The following IMMP2L variants were observed in gnomAD, a reference collection of about 807,000 sequenced individuals.
IMMP2L encodes inner mitochondrial membrane peptidase subunit 2.
IMMP2L carries 18 observed loss-of-function variants against 19.3 expected under a neutral mutation model. That is an observed-to-expected ratio of 0.93 (90% CI 0.64 to 1.38). The LOEUF is 1.38. Among genes scored for constraint, IMMP2L ranks in the 40% most tolerant of loss-of-function variants. The pLI is 0.00. For missense variants in IMMP2L, 233 were observed against 218.2 expected, an observed-to-expected ratio of 1.07 and a Z score of -0.43; for synonymous variants, 76 against 73.0, an observed-to-expected ratio of 1.04 and a Z score of -0.21.
intron 5 of IMMP2L, among the ~76,000 whole-genome samples, chr7:110,743,191 C>G (rs1035058127): frequency 6.6e-6 from 1 of 152,056 alleles, no homozygotes; most frequent in Non-Finnish European, 1.5e-5. Context: ...TAGTGTTGGG[C>G]AGTGGAGAGC....
intron 5 of IMMP2L, among the ~76,000 whole-genome samples, chr7:110,809,846 G>A (rs956740885): frequency 9.2e-5 from 14 of 151,906 alleles, no homozygotes; most frequent in African/African-American, 2.2e-4. Flanking sequence ...ACACCAAACC[G>A]AAAATAATCT....
intron 3 of IMMP2L, among the ~76,000 whole-genome samples, chr7:111,151,294 A>G (rs1020228170): frequency 6.6e-6 from 1 of 152,188 alleles, no homozygotes; most frequent in African/African-American, 2.4e-5. Flanking sequence ...TAAAATGTCT[A>G]GAAAGATCTA....
intron 3 of IMMP2L, among the ~76,000 whole-genome samples, chr7:111,201,127 A>T (rs1473388138): frequency 6.6e-6 from 1 of 152,184 alleles, no homozygotes; most frequent in African/African-American, 2.4e-5. Context: ...CATATGAAAA[A>T]GCTTGTATCA....
intron 5 of IMMP2L, among the ~76,000 whole-genome samples, chr7:110,780,368 G>A (rs1285085094): frequency 6.6e-6 from 1 of 151,174 alleles, no homozygotes; most frequent in African/African-American, 2.4e-5. Flanking sequence ...TGAAAAGAAA[G>A]TTGAGAATTC....
At chr7:111,330,985 T>A (rs1825818874) in intron 3 of IMMP2L, among the ~76,000 whole-genome samples, 1 of 151,912 alleles carries the variant, frequency 6.6e-6, no homozygotes, top group Admixed American at 6.6e-5. Context: ...GGTGCGAATA[T>A]ATATTAGTAT....
chr7:111,032,735 T>A (rs1445990883), intron 3 of IMMP2L, among the ~76,000 whole-genome samples: 1 of 152,094 alleles, frequency 6.6e-6, no homozygotes, highest in East Asian at 1.9e-4. Context: ...GGCAGGAGAA[T>A]TGCTTGAATC....
At chr7:111,400,018 T>C (rs1237088859) in intron 3 of IMMP2L, among the ~76,000 whole-genome samples, 1 of 152,146 alleles carries the variant, frequency 6.6e-6, no homozygotes, top group Non-Finnish European at 1.5e-5. Context: ...CAGAAGTCTT[T>C]TCTGAGTCCT....
At chr7:111,207,676 C>T (rs768231061) in intron 3 of IMMP2L, among the ~76,000 whole-genome samples, 23 of 151,216 alleles carry the variant, frequency 1.5e-4, no homozygotes, top group Admixed American at 6.6e-5. Flanking sequence ...GCTGGGACTA[C>T]AGGTGCGCGC....
At chr7:110,947,893 A>T (rs2129553761) in intron 4 of IMMP2L, among the ~76,000 whole-genome samples, 1 of 152,276 alleles carries the variant, frequency 6.6e-6, no homozygotes, top group Non-Finnish European at 1.5e-5. Context: ...ACAAAGTAGA[A>T]AATCTCTTTG....
intron 3 of IMMP2L, among the ~76,000 whole-genome samples, chr7:111,302,119 T>C (rs982522209): frequency 5.3e-5 from 8 of 151,918 alleles, no homozygotes; most frequent in South Asian, 2.1e-4. Flanking sequence ...GAGTACATCT[T>C]AGTAACTTCA....
intron 3 of IMMP2L, among the ~76,000 whole-genome samples, chr7:111,371,023 G>C (rs1190803858): frequency 1.3e-5 from 2 of 151,872 alleles, no homozygotes; most frequent in African/African-American, 2.4e-5. Flanking sequence ...ATAGTCAAGT[G>C]CAAGACATCC....
At chr7:111,495,970 G>C (rs1309149868) in intron 2 of IMMP2L, among the ~76,000 whole-genome samples, 2 of 152,172 alleles carry the variant, frequency 1.3e-5, no homozygotes, top group Non-Finnish European at 2.9e-5. Context: ...GTAGCCCTCA[G>C]ACTTCTTTTG....
At chr7:110,861,085 G>GTA (rs1807346557) in intron 5 of IMMP2L, among the ~76,000 whole-genome samples, 1 of 103,666 alleles carries the variant, frequency 9.6e-6, no homozygotes, top group African/African-American at 3.8e-5. Flanking sequence ...GTGTGTGTGT[G>GTA]TGTGTGTGTG....
intron 5 of IMMP2L, among the ~76,000 whole-genome samples, chr7:110,794,484 A>C (rs932911417): frequency 1.1e-4 from 17 of 152,134 alleles, no homozygotes; most frequent in Non-Finnish European, 2.1e-4. Context: ...TGCCGATTAA[A>C]GATTCCTTAA....
intron 3 of IMMP2L, among the ~76,000 whole-genome samples, chr7:111,168,187 C>A (rs1351101567): frequency 3.3e-5 from 5 of 151,764 alleles, no homozygotes; most frequent in African/African-American, 1.2e-4. Flanking sequence ...GTGTTAAAAT[C>A]ACTTATAAAT....
chr7:111,084,582 G>C (rs1185499082), intron 3 of IMMP2L, among the ~76,000 whole-genome samples: 1 of 152,106 alleles, frequency 6.6e-6, no homozygotes, highest in Non-Finnish European at 1.5e-5. Context: ...ATCTAAGAGA[G>C]CATATAAAGA....
chr7:111,094,134 TC>T (rs902328819), intron 3 of IMMP2L, among the ~76,000 whole-genome samples: 1 of 152,114 alleles, frequency 6.6e-6, no homozygotes, highest in Non-Finnish European at 1.5e-5. Context: ...GTTTCACTCC[TC>T]CCCCCGAATC....
intron 5 of IMMP2L, among the ~76,000 whole-genome samples, chr7:110,795,742 A>G (rs1800822336): frequency 6.6e-6 from 1 of 152,152 alleles, no homozygotes; most frequent in Non-Finnish European, 1.5e-5. Context: ...TTTTTGTCAT[A>G]CATCTGGGAA....
chr7:111,030,798 G>A (rs370348865), intron 3 of IMMP2L, among the ~76,000 whole-genome samples: 2 of 116,634 alleles, frequency 1.7e-5, no homozygotes, highest in African/African-American at 3.4e-5. Context: ...ATATGTGTAT[G>A]TGTGTACATA....
Sources: gnomAD v4.1 joint callset for allele counts (sites outside exome capture counted in the v4.1 genomes callset) on GRCh38, gnomAD v4.1.1 for gene constraint, MANE v1.5 for transcripts, NCBI Gene and HGNC (gene_info 2026-07-23, HGNC 2026-07-21) for gene names.